Variants in B3GALT5 observed in about 807,000 individuals in gnomAD.
B3GALT5 encodes the protein UDP-Gal:betaGlcNAc beta 1,3-galactosyltransferase, polypeptide 5.
For synonymous variants in B3GALT5, 156 were observed against 158.6 expected, an observed-to-expected ratio of 0.98 and a Z score of 0.12; for missense variants, 328 against 396.6, an observed-to-expected ratio of 0.83 and a Z score of 1.47.
intron 2 of B3GALT5, chr21:39,657,578 C>T (rs1430363928): frequency 4.1e-6 from 1 of 244,440 alleles, no homozygotes; most frequent in Admixed American, 5.6e-5. Context: ...CCCAGCGTCT[C>T]CAGCTTGCAT....
intron 1 of B3GALT5, among the ~76,000 whole-genome samples, chr21:39,644,502 T>G (rs1569214554): frequency 6.6e-6 from 1 of 152,180 alleles, no homozygotes; most frequent in Non-Finnish European, 1.5e-5. Context: ...GTCCCAAGAT[T>G]TATTTTCCTC....
At chr21:39,641,913 A>G (rs1476037736) in intron 1 of B3GALT5, among the ~76,000 whole-genome samples, 1 of 152,202 alleles carries the variant, frequency 6.6e-6, no homozygotes, top group Non-Finnish European at 1.5e-5. Flanking sequence ...CTATGCTTTG[A>G]TAGCCAGACT....
At chr21:39,656,675 G>T (rs1377260922) in intron 2 of B3GALT5, among the ~76,000 whole-genome samples, 1 of 152,166 alleles carries the variant, frequency 6.6e-6, no homozygotes, top group Non-Finnish European at 1.5e-5. Flanking sequence ...TAGAGAGGTG[G>T]ACTTCTGATT....
At chr21:39,643,869 C>G (rs1057445201) in intron 1 of B3GALT5, among the ~76,000 whole-genome samples, 2 of 152,116 alleles carry the variant, frequency 1.3e-5, no homozygotes, top group Non-Finnish European at 2.9e-5. Flanking sequence ...TGCCTGCTCC[C>G]CTCTGTGGCT....
intron 1 of B3GALT5, among the ~76,000 whole-genome samples, chr21:39,636,665 G>A (rs1314830096): frequency 6.6e-6 from 1 of 151,966 alleles, no homozygotes; most frequent in East Asian, 1.9e-4. Context: ...ACGAGTCCTT[G>A]GCCTGACCAG....
intron 1 of B3GALT5, among the ~76,000 whole-genome samples, chr21:39,617,388 C>T (rs2079112270): frequency 6.6e-6 from 1 of 152,204 alleles, no homozygotes; most frequent in African/African-American, 2.4e-5. Context: ...CACAGTTCTG[C>T]ATGGCTGGGG....
chr21:39,640,927 A>G (rs2079284833), intron 1 of B3GALT5, among the ~76,000 whole-genome samples: 1 of 152,016 alleles, frequency 6.6e-6, no homozygotes, highest in South Asian at 2.1e-4. Context: ...TTTTGTAGAG[A>G]TGGAGTCTCA....
chr21:39,644,384 T>G (rs562030122), intron 1 of B3GALT5, among the ~76,000 whole-genome samples: 55 of 152,134 alleles, frequency 3.6e-4, no homozygotes, highest in African/African-American at 1.3e-3. Flanking sequence ...GAGGGAGGTA[T>G]GTAGCTTTTC....
Position 39,662,204 on chromosome 21 carries a change from T to C in B3GALT5, c.*712T>C, listed in dbSNP as rs1271911658. The stretch of plus-strand genomic sequence containing the variant: ...GAGGAACACCCAGCTCTGGACAGAG[T>C]TCTTATAAATGTATAAATTAGGCTC... On this transcript the variant is annotated 3_prime_UTR_variant, in exon 4 of 4. Coordinates refer to ENST00000684187, the MANE Select transcript of B3GALT5 (RefSeq NM_001356336.2). 6.0e-6 allele frequency: 1 copy of C among 166,774 alleles called. No individual in the cohort carries two copies. The highest frequency in any genetic ancestry group is 2.4e-5 in the African/African-American group (1 of 41,346). 10.3% of individuals were successfully genotyped at this position (166,774 alleles called of 1,614,324 possible). A position where few individuals can be genotyped will look rare whatever the true frequency, so the allele number is the denominator to read the frequency against.
chr21:39,616,207 T>G (rs2123680098), intron 1 of B3GALT5, among the ~76,000 whole-genome samples: 1 of 152,292 alleles, frequency 6.6e-6, no homozygotes, highest in East Asian at 1.9e-4. Flanking sequence ...TCTGATTTTT[T>G]ATAATTATTG....
At chr21:39,632,205 C>G (rs1405486043) in intron 1 of B3GALT5, among the ~76,000 whole-genome samples, 1 of 152,182 alleles carries the variant, frequency 6.6e-6, no homozygotes, top group Non-Finnish European at 1.5e-5. Context: ...CAGCATTTCC[C>G]AAGTCTTCCC....
At chr21:39,615,779 G>A (rs1021988021) in intron 1 of B3GALT5, among the ~76,000 whole-genome samples, 5 of 152,166 alleles carry the variant, frequency 3.3e-5, no homozygotes, top group Non-Finnish European at 7.4e-5. Context: ...ATATAATAAA[G>A]AACAATAGAA....
rs1464591789 is a variant in B3GALT5, at chr21:39,672,152, T to C, written c.*10660T>C. On this transcript the variant is annotated 3_prime_UTR_variant, in exon 4 of 4. Transcript: ENST00000684187. ...AGAAGCGCAGAGTTAAGTTGGCCAG[T>C]GTGGCGTGGACACAGCCAGGCGCAG... 2 of 152,236 alleles carry C rather than the reference T, an allele frequency of 1.3e-5. No individual in the cohort carries two copies. The highest frequency in any genetic ancestry group is 2.9e-5 in the Non-Finnish European group (2 of 68,042). 9.4% of individuals were successfully genotyped at this position (152,236 alleles called of 1,614,324 possible).
At chr21:39,628,767 T>C (rs988967159) in intron 1 of B3GALT5, among the ~76,000 whole-genome samples, 1 of 152,364 alleles carries the variant, frequency 6.6e-6, no homozygotes, top group Non-Finnish European at 1.5e-5. Flanking sequence ...GTCTTTAGAA[T>C]GGTCTAGATT....
chr21:39,622,436 C>T (rs1295369092), intron 1 of B3GALT5, among the ~76,000 whole-genome samples: 2 of 151,932 alleles, frequency 1.3e-5, no homozygotes, highest in African/African-American at 2.4e-5. Context: ...CTTACAAGTT[C>T]TAAAGATCTA....
chr21:39,630,981 C>T (rs534519275), intron 1 of B3GALT5, among the ~76,000 whole-genome samples: 9 of 152,158 alleles, frequency 5.9e-5, no homozygotes, highest in East Asian at 3.9e-4. Context: ...AGAGGAAGCA[C>T]GCATGGATAG....
At chr21:39,653,574 C>T (rs1257066330) in intron 2 of B3GALT5, among the ~76,000 whole-genome samples, 3 of 152,248 alleles carry the variant, frequency 2.0e-5, no homozygotes, top group Non-Finnish European at 2.9e-5. Context: ...TCCCCGGGTA[C>T]ACCCGCTAGG....
At chr21:39,614,768 CTG>C (rs2079098929) in intron 1 of B3GALT5, among the ~76,000 whole-genome samples, 1 of 152,178 alleles carries the variant, frequency 6.6e-6, no homozygotes. Context: ...GGGCATGGAA[CTG>C]AGCCCAGTAC....
In B3GALT5 at chr21:39,672,862, C is replaced by T. The variant is rs1156231552; in HGVS notation, c.*11370C>T. 1 of 152,132 alleles carries T rather than the reference C, an allele frequency of 6.6e-6. No homozygotes were observed. The highest frequency in any genetic ancestry group is 6.5e-5 in the Admixed American group (1 of 15,272). 9.4% of individuals were successfully genotyped at this position (152,132 alleles called of 1,614,324 possible). On this transcript the variant is annotated 3_prime_UTR_variant, in exon 4 of 4. Coordinates refer to ENST00000684187, the MANE Select transcript of B3GALT5 (RefSeq NM_001356336.2). ...ATTTCGGAAGCAAAGCAATGGGACC[C>T]TACGCTTCAGAGTCTTAATGGGGTG... is the stretch of plus-strand genomic sequence containing the variant.
Sources: gnomAD v4.1 joint callset for allele counts (sites outside exome capture counted in the v4.1 genomes callset) on GRCh38, gnomAD v4.1.1 for gene constraint, MANE v1.5 for transcripts, NCBI Gene and HGNC (gene_info 2026-07-23, HGNC 2026-07-21) for gene names.